USP24: variants seen among roughly 807,000 people sequenced by gnomAD.
USP24 encodes the protein ubiquitin specific peptidase 24.
In USP24, 97 loss-of-function variants were observed where a neutral mutation model predicts 361.6. The ratio of observed to expected loss-of-function variants is 0.27; its 90% confidence interval spans 0.23 to 0.32. The LOEUF (loss-of-function observed/expected upper bound fraction) is 0.32. Among genes scored for constraint, USP24 ranks in the 10% least tolerant of loss-of-function variants. The pLI, the probability that USP24 is intolerant of heterozygous loss-of-function variation, is 1.00. For synonymous variants in USP24, 1,098 were observed against 1,124.6 expected (o/e 0.98, Z 0.47); for missense variants, 2,353 against 3,165.6 (o/e 0.74, Z 6.16).
intron 1 of USP24, among the ~76,000 whole-genome samples, chr1:55,190,303 G>C (rs1343739920): frequency 2.6e-5 from 4 of 152,138 alleles, no homozygotes; most frequent in Non-Finnish European, 5.9e-5. Context: ...ACAGGGTTAA[G>C]GAATGATACA....
At chr1:55,088,885 G>A (rs1448685751) in intron 55 of USP24, among the ~76,000 whole-genome samples, 1 of 151,964 alleles carries the variant, frequency 6.6e-6, no homozygotes, top group Non-Finnish European at 1.5e-5. Flanking sequence ...AGGTACCTAG[G>A]TAGATGTACT....
intron 32 of USP24, among the ~76,000 whole-genome samples, chr1:55,126,719 C>T (rs555854299): frequency 4.6e-5 from 7 of 152,288 alleles, no homozygotes; most frequent in South Asian, 4.1e-4. Flanking sequence ...ACACCTTCTA[C>T]GGTACTTGGG....
chr1:55,189,782 TA>T (rs1644237348), intron 1 of USP24, among the ~76,000 whole-genome samples: 1 of 152,104 alleles, frequency 6.6e-6, no homozygotes, highest in East Asian at 1.9e-4. Context: ...AGTGGGTATA[TA>T]TCTAAGAACT....
At chr1:55,199,635 GAC>G (rs746426606) in intron 1 of USP24, among the ~76,000 whole-genome samples, 1,658 of 149,624 alleles carry the variant, frequency 0.011, 18 homozygotes, top group African/African-American at 0.032. Flanking sequence ...GAGAGAGAGA[GAC>G]AGACAGAGAG....
intron 67 of USP24, chr1:55,071,218 A>G: frequency 1.0e-6 from 1 of 987,180 alleles, no homozygotes; most frequent in East Asian, 1.1e-4. Flanking sequence ...GACTGCTGTT[A>G]AGGAAAGTTA....
chr1:55,161,443 T>C (rs1369490386), intron 8 of USP24, among the ~76,000 whole-genome samples: 1 of 151,628 alleles, frequency 6.6e-6, no homozygotes, highest in East Asian at 1.9e-4. Context: ...AAAAAAATCC[T>C]ATCTCCCTTA....
At position 55,110,260 on chromosome 1, in the gene USP24, A is replaced by G; in HGVS notation, c.4509-14T>C. On this transcript the variant is annotated splice_polypyrimidine_tract_variant and intron_variant, in intron 38 of 67. Coordinates refer to ENST00000294383, the MANE Select transcript of USP24 (RefSeq NM_015306.3). ...TGAGATAACAGTCTAAAAAACAGAA[A>G]GGTTTCAGTTACTAATAAGAGGCTG... The G allele has an allele frequency of 6.6e-7, 1 of 1,518,428 alleles. No homozygotes were observed. Among genetic ancestry groups the G allele is most frequent in the Non-Finnish European group, 8.8e-7 (1 of 1,131,988 alleles). 94.1% of individuals were successfully genotyped at this position (1,518,428 alleles called of 1,614,324 possible).
At chr1:55,213,627 A>G (rs545829825) in intron 1 of USP24, among the ~76,000 whole-genome samples, 1 of 152,350 alleles carries the variant, frequency 6.6e-6, no homozygotes, top group South Asian at 2.1e-4. Flanking sequence ...GGTCAGGCCA[A>G]GCTGCTCTAC....
intron 3 of USP24, 95 bp downstream of exon 3, chr1:55,176,281 C>A: frequency 9.3e-7 from 1 of 1,073,284 alleles, no homozygotes; most frequent in Admixed American, 2.9e-5. Flanking sequence ...TGGTCTTATA[C>A]ATAAAAAACT....
rs1243211696 is a variant in USP24 at position 55,215,362 on chromosome 1, C to T, written c.-249G>A. 2.6e-5 allele frequency among the ~76,000 whole-genome samples: 4 copies of T among 152,000 alleles called. No homozygotes were observed. The highest frequency in any genetic ancestry group is 4.4e-5 in the Non-Finnish European group (3 of 67,946). On this transcript the variant is annotated 5_prime_UTR_variant, in exon 1 of 68. Coordinates refer to ENST00000294383, the MANE Select transcript of USP24 (RefSeq NM_015306.3). ...GCCCTGCGCGCCGCCATGTTGGCCTCCTCCCCCTCCGCCTCCTCCTCCCCG... is the reference window on the plus strand; with the variant it reads ...GCCCTGCGCGCCGCCATGTTGGCCTTCTCCCCCTCCGCCTCCTCCTCCCCG...
intron 13 of USP24, 80 bp downstream of exon 13, chr1:55,154,591 G>A: frequency 6.9e-7 from 1 of 1,439,554 alleles, no homozygotes; most frequent in South Asian, 1.2e-5. Flanking sequence ...GCTAACTGGT[G>A]GGGAGGAGGG....
intron 30 of USP24, among the ~76,000 whole-genome samples, 156 bp from the exon 31 acceptor site, chr1:55,132,856 G>A (rs780652551): frequency 8.5e-4 from 129 of 152,110 alleles, no homozygotes; most frequent in Admixed American, 1.9e-3. Context: ...ACATCACTCC[G>A]TAACTATTAA....
In USP24 at chr1:55,214,818, G is replaced by C; in HGVS notation, c.296C>G (p.Pro99Arg). The change falls in exon 1 of 68, where the codon CCC becomes CGC. Residue 99 changes from proline (P) to arginine (R), a missense_variant. Physicochemically the swap from Pro to Arg is moderately radical, Grantham distance 103 (BLOSUM62 -2). Around this residue, in one of 8 missense-constraint regions of USP24, gnomAD observed 253 missense variants for 255.3 expected, o/e 0.99. Coordinates refer to ENST00000294383, the MANE Select transcript of USP24 (RefSeq NM_015306.3). Reference protein sequence around the residue: ...TGGGGGFDPPPAYHEVVDAEK... With the variant: ...TGGGGGFDPPRAYHEVVDAEK... The stretch of plus-strand genomic sequence containing the variant: ...CGCGTCCACCACCTCGTGGTAGGCG[G>C]GCGGGGGGTCGAAGCCGCCCCCGCC... 8.2e-7 allele frequency: 1 copy of C among 1,223,354 alleles called. No individual in the cohort carries two copies. The highest frequency in any genetic ancestry group is 1.0e-6 in the Non-Finnish European group (1 of 973,120). 75.8% of individuals were successfully genotyped at this position (1,223,354 alleles called of 1,614,324 possible). A position where few individuals can be genotyped will look rare whatever the true frequency, so the allele number is the denominator to read the frequency against.
At chr1:55,183,332 C>T (rs1480043694) in intron 1 of USP24, among the ~76,000 whole-genome samples, 1 of 152,088 alleles carries the variant, frequency 6.6e-6, no homozygotes, top group East Asian at 1.9e-4. Flanking sequence ...AAAATACATA[C>T]ACATTTTATA....
At chr1:55,095,936 T>A (rs1645486501) in intron 50 of USP24, among the ~76,000 whole-genome samples, 1 of 152,216 alleles carries the variant, frequency 6.6e-6, no homozygotes, top group African/African-American at 2.4e-5. Flanking sequence ...GATTTCAAAA[T>A]CAGGTTTCTG....
intron 55 of USP24, among the ~76,000 whole-genome samples, chr1:55,088,958 G>C (rs899621541): frequency 1.3e-5 from 2 of 151,790 alleles, no homozygotes; most frequent in African/African-American, 4.8e-5. Context: ...CTGTTGCCAG[G>C]CTGGAGTGCA....
rs1158358543 is a variant in USP24, at chr1:55,170,746, T to C, written c.825+810A>G. 2.6e-5 allele frequency among the ~76,000 whole-genome samples: 4 copies of C among 152,222 alleles called. No homozygotes were observed. The East Asian group carries it at 7.7e-4, about 29-fold the overall frequency. ...TAACTACCCCTTCCCCTGGATTCTA[T>C]GTACAGTACATATTATTATAATTCC... On this transcript the variant is annotated intron_variant, in intron 5 of 67. Coordinates refer to ENST00000294383, the MANE Select transcript of USP24 (RefSeq NM_015306.3).
At chr1:55,204,219 G>GT (rs1405315743) in intron 1 of USP24, among the ~76,000 whole-genome samples, 1 of 152,056 alleles carries the variant, frequency 6.6e-6, no homozygotes, top group African/African-American at 2.4e-5. Flanking sequence ...TTTCTCTAAA[G>GT]TAAGTTTTTT....
intron 1 of USP24, among the ~76,000 whole-genome samples, chr1:55,189,373 G>T (rs189143100): frequency 1.5e-4 from 23 of 152,240 alleles, no homozygotes; most frequent in Admixed American, 1.2e-3. Flanking sequence ...ACAGTATTTT[G>T]AATGAACATA....
Sources: allele counts gnomAD v4.1 joint callset (sites outside exome capture counted in the v4.1 genomes callset), GRCh38; gene constraint gnomAD v4.1.1; regional missense constraint gnomAD v4.1.1; transcripts MANE v1.5; gene names NCBI Gene and HGNC (gene_info 2026-07-23, HGNC 2026-07-21).